Variants in RABGEF1 observed in about 807,000 individuals in gnomAD.
The protein encoded by RABGEF1 is RAB guanine nucleotide exchange factor 1.
RABGEF1 carries 26 observed loss-of-function variants against 57.3 expected under a neutral mutation model. The ratio of observed to expected loss-of-function variants is 0.45; its 90% CI spans 0.33 to 0.63. The LOEUF (loss-of-function observed/expected upper bound fraction) is 0.63. Ranked by LOEUF, RABGEF1 falls within the 20% of genes least tolerant of loss-of-function variation. The probability of loss-of-function intolerance (pLI) is 0.02; values close to 1 mark genes in which losing one functional copy is unlikely to be tolerated. For synonymous variants in RABGEF1, 185 were observed against 210.7 expected, an observed-to-expected ratio of 0.88 and a Z score of 1.06; for missense variants, 464 against 607.6, an observed-to-expected ratio of 0.76 and a Z score of 2.48.
chr7:66,684,626 G>C (rs1790317334), intron 1 of RABGEF1, among the ~76,000 whole-genome samples: 1 of 151,946 alleles, frequency 6.6e-6, no homozygotes, highest in African/African-American at 2.4e-5. Flanking sequence ...TAGCCTGATT[G>C]GCTAAATTTT....
At chr7:66,749,870 A>C (rs1801031500) in intron 1 of RABGEF1, among the ~76,000 whole-genome samples, 1 of 152,172 alleles carries the variant, frequency 6.6e-6, no homozygotes, top group South Asian at 2.1e-4. Flanking sequence ...GCTACTCGGG[A>C]GGCTGAAGCA....
chr7:66,785,882 A>T (rs76866202), intron 4 of RABGEF1, among the ~76,000 whole-genome samples: 2 of 151,932 alleles, frequency 1.3e-5, no homozygotes, highest in African/African-American at 4.8e-5. Context: ...TGGGGGGGAA[A>T]AAAAAAAAGT....
chr7:66,796,309 A>T (rs373080496), intron 5 of RABGEF1, among the ~76,000 whole-genome samples: 1 of 152,138 alleles, frequency 6.6e-6, no homozygotes, highest in African/African-American at 2.4e-5. Context: ...AGACTTTAGG[A>T]TATACTTAGC....
intron 1 of RABGEF1, among the ~76,000 whole-genome samples, chr7:66,687,511 G>T (rs372892101): frequency 6.7e-6 from 1 of 149,360 alleles, no homozygotes; most frequent in Non-Finnish European, 1.5e-5. Context: ...AAAGAAAAAA[G>T]AAAAGAAGAA....
intron 1 of RABGEF1, among the ~76,000 whole-genome samples, chr7:66,700,624 T>C (rs1467274467): frequency 6.6e-6 from 1 of 151,704 alleles, no homozygotes; most frequent in Admixed American, 6.6e-5. Context: ...AGAAAAGGGG[T>C]TCGTGCGTAG....
chr7:66,733,043 C>G (rs1425641823), intron 2 of RABGEF1, among the ~76,000 whole-genome samples: 1 of 152,172 alleles, frequency 6.6e-6, no homozygotes, highest in African/African-American at 2.4e-5. Flanking sequence ...AAAGTTCCAG[C>G]TCCTTAGCCG....
chr7:66,810,989 A>G lies in RABGEF1; in HGVS notation c.*1705A>G, dbSNP rs1789370669. ...CTCGCACAGAAGGTGATAAGTTACT[A>G]TCAAATGCCAGTGAGAATCTTCTTA... On this transcript the variant is annotated 3_prime_UTR_variant, in exon 9 of 9. Coordinates refer to ENST00000284957, the MANE Select transcript of RABGEF1 (RefSeq NM_014504.3). 1 of 152,242 alleles carries G rather than the reference A, an allele frequency of 6.6e-6. No homozygotes were observed. The highest frequency in any genetic ancestry group is 1.5e-5 in the Non-Finnish European group (1 of 68,044). The allele number at this position is 152,242 out of a possible 1,614,324, so 9.4% of individuals were successfully genotyped here.
intron 2 of RABGEF1, among the ~76,000 whole-genome samples, chr7:66,773,449 A>G (rs993932752): frequency 6.6e-6 from 1 of 152,002 alleles, no homozygotes. Flanking sequence ...TTTTGTTTCT[A>G]TTTCTTACTG....
At chr7:66,788,709 T>G (rs1435897517) in intron 4 of RABGEF1, among the ~76,000 whole-genome samples, 1 of 152,188 alleles carries the variant, frequency 6.6e-6, no homozygotes, top group African/African-American at 2.4e-5. Context: ...CTGGGCACAG[T>G]GGCTCACGCT....
At chr7:66,736,074 A>G (rs2129041354), upstream of RABGEF1, among the ~76,000 whole-genome samples, 1 of 152,316 alleles carries the variant, frequency 6.6e-6, no homozygotes, top group Non-Finnish European at 1.5e-5. Context: ...AAGACAGGAA[A>G]AGGAAATGAA....
At chr7:66,656,062 A>G in the RABGEF1 span, among the ~76,000 whole-genome samples, 36 of 152,248 alleles carry the variant, frequency 2.4e-4, no homozygotes, top group African/African-American at 8.4e-4. Flanking sequence ...TCAGACTAAC[A>G]GGGTGGAATG....
At chr7:66,773,096 C>T (rs35070132) in intron 2 of RABGEF1, among the ~76,000 whole-genome samples, 48,410 of 143,786 alleles carry the variant, frequency 0.34, 8,169 homozygotes, top group South Asian at 0.49. Context: ...TTTTTTTTTT[C>T]ATCCAGTCAG....
chr7:66,739,992 A>C (rs1427292743), upstream of RABGEF1: 1 of 152,164 alleles, frequency 6.6e-6, no homozygotes, highest in Non-Finnish European at 1.5e-5. Flanking sequence ...TTTTTTTGAG[A>C]CAGGATCTCG....
chr7:66,674,137 C>T, the RABGEF1 span, among the ~76,000 whole-genome samples: 31 of 151,664 alleles, frequency 2.0e-4, no homozygotes, highest in Non-Finnish European at 3.5e-4. Flanking sequence ...TATGACTGAA[C>T]TATTCTACGC....
At chr7:66,660,224 T>A in the RABGEF1 span, among the ~76,000 whole-genome samples, 1 of 151,880 alleles carries the variant, frequency 6.6e-6, no homozygotes, top group Non-Finnish European at 1.5e-5. Context: ...GGCGGGCGCC[T>A]GTAGTCCTAG....
chr7:66,678,713 C>G (rs1468929681), upstream of RABGEF1, among the ~76,000 whole-genome samples: 1 of 152,028 alleles, frequency 6.6e-6, no homozygotes, highest in Non-Finnish European at 1.5e-5. Flanking sequence ...CACCATGTTG[C>G]CCGGGCTGGT....
At chr7:66,681,839 C>T (rs1439939138), upstream of RABGEF1, among the ~76,000 whole-genome samples, 2 of 152,224 alleles carry the variant, frequency 1.3e-5, no homozygotes, top group African/African-American at 2.4e-5. Flanking sequence ...CCAGGAGTCG[C>T]CGCGGTGCCG....
intron 2 of RABGEF1, among the ~76,000 whole-genome samples, chr7:66,727,646 C>T (rs1223460513): frequency 7.2e-5 from 11 of 152,214 alleles, no homozygotes; most frequent in Non-Finnish European, 1.5e-5. Context: ...TGCAGTGAGT[C>T]GGGAAGGCCG....
chr7:66,789,024 A>T (rs1811920195), intron 4 of RABGEF1, among the ~76,000 whole-genome samples: 1 of 152,220 alleles, frequency 6.6e-6, no homozygotes, highest in Non-Finnish European at 1.5e-5. Flanking sequence ...TTGTACCTGA[A>T]TGAGGACAAA....
Sources: allele counts gnomAD v4.1 joint callset (sites outside exome capture counted in the v4.1 genomes callset), GRCh38; gene constraint gnomAD v4.1.1; transcripts MANE v1.5; gene names NCBI Gene and HGNC (gene_info 2026-07-23, HGNC 2026-07-21).